The following GTF2I variants were observed in gnomAD, a reference collection of about 807,000 sequenced individuals.
The protein encoded by GTF2I is general transcription factor II-I.
In GTF2I, 12 loss-of-function variants were observed where a neutral mutation model predicts 67.6. That is an observed-to-expected ratio of 0.18 (90% CI 0.11 to 0.29). GTF2I has a LOEUF of 0.29. Among genes scored for constraint, GTF2I ranks in the 10% least tolerant of loss-of-function variants. The probability of loss-of-function intolerance (pLI) is 1.00; values close to 1 mark genes in which losing one functional copy is unlikely to be tolerated. For missense variants in GTF2I, 271 were observed against 580.1 expected (o/e 0.47, Z 5.47); for synonymous variants, 149 against 197.0 (o/e 0.76, Z 2.04).
intron 1 of GTF2I, among the ~76,000 whole-genome samples, chr7:74,659,862 C>T (rs1554385622): frequency 6.6e-6 from 1 of 152,156 alleles, no homozygotes; most frequent in African/African-American, 2.4e-5. Context: ...TTAAATTCAA[C>T]TTTGCCGCAG....
intron 1 of GTF2I, among the ~76,000 whole-genome samples, chr7:74,681,910 CAAA>C (rs782315468): frequency 5.0e-5 from 6 of 119,438 alleles, no homozygotes; most frequent in South Asian, 2.6e-4. Flanking sequence ...GACTCCGTCT[CAAA>C]AAAAAAAAAA....
At position 74,707,009 on chromosome 7, in the gene GTF2I, A is replaced by T. The variant is rs147832068; in HGVS notation, c.685+576A>T. On this transcript the variant is annotated intron_variant, in intron 8 of 34. Coordinates refer to ENST00000573035, the MANE Select transcript of GTF2I (RefSeq NM_032999.4). ...GGATTACAGGCATACGCCATCACGC[A>T]CGACTAATTTTTGTATTTTTAGTAG... Among the ~76,000 whole-genome samples the T allele has an allele frequency of 4.8e-3, 723 of 152,152 alleles. 23 individuals carry two copies. The highest frequency in any genetic ancestry group is 0.038 in the Admixed American group (586 of 15,278).
chr7:74,734,397 C>T (rs1369566091), intron 16 of GTF2I, among the ~76,000 whole-genome samples: 2 of 149,074 alleles, frequency 1.3e-5, no homozygotes, highest in Non-Finnish European at 3.0e-5. Flanking sequence ...TATATCATCT[C>T]TTAATTGTTA....
chr7:74,693,378 G>T (rs1260371831), intron 3 of GTF2I, among the ~76,000 whole-genome samples: 1 of 149,928 alleles, frequency 6.7e-6, no homozygotes, highest in African/African-American at 2.5e-5. Context: ...TTGGTTCAAG[G>T]TATTGAGATC....
intron 1 of GTF2I, among the ~76,000 whole-genome samples, chr7:74,683,506 G>T (rs1019248111): frequency 6.6e-6 from 1 of 152,136 alleles, no homozygotes; most frequent in African/African-American, 2.4e-5. Context: ...TCATAAATAC[G>T]TGGTTACATC....
chr7:74,697,943 A>AT lies in GTF2I; in HGVS notation c.239-1012dup, dbSNP rs112795783. The stretch of plus-strand genomic sequence containing the variant: ...GCCACCATGCCCAGCTAATTTTTGT[A>AT]TTTTTTGTTTGTTTGTTTGTTTGTT... On this transcript the variant is annotated intron_variant, in intron 3 of 34. Coordinates refer to ENST00000573035, the MANE Select transcript of GTF2I (RefSeq NM_032999.4). 8.7e-4 allele frequency among the ~76,000 whole-genome samples: 128 copies of AT among 146,442 alleles called. 2 individuals are homozygous for AT. The East Asian group carries it at 0.014, about 16-fold the overall frequency.
At chr7:74,682,138 A>G (rs782417808) in intron 1 of GTF2I, among the ~76,000 whole-genome samples, 1 of 152,158 alleles carries the variant, frequency 6.6e-6, no homozygotes, top group Non-Finnish European at 1.5e-5. Flanking sequence ...GAAGCAATAA[A>G]AGTTCTCTTT....
At chr7:74,660,507 T>C (rs1554386034) in intron 1 of GTF2I, among the ~76,000 whole-genome samples, 1 of 152,196 alleles carries the variant, frequency 6.6e-6, no homozygotes, top group African/African-American at 2.4e-5. Flanking sequence ...TCTTCTCTTA[T>C]ATTGCATAGT....
chr7:74,747,272 AC>A (rs1446797063), intron 23 of GTF2I, among the ~76,000 whole-genome samples: 1 of 74,352 alleles, frequency 1.3e-5, no homozygotes, highest in African/African-American at 3.4e-5. Flanking sequence ...CATGTGGCAC[AC>A]TTTCAGAGAG....
intron 8 of GTF2I, among the ~76,000 whole-genome samples, chr7:74,707,676 A>G (rs145091986): frequency 3.3e-5 from 5 of 152,280 alleles, no homozygotes; most frequent in African/African-American, 1.2e-4. Flanking sequence ...CTCCATAGGA[A>G]ATCTCAAATT....
At chr7:74,667,839 T>G (rs1017624795) in intron 1 of GTF2I, among the ~76,000 whole-genome samples, 13 of 150,860 alleles carry the variant, frequency 8.6e-5, no homozygotes, top group South Asian at 6.2e-4. Context: ...AAAGAAACTT[T>G]TTTTTTTTTT....
chr7:74,666,811 C>CA lies in GTF2I; in HGVS notation c.-6+8762dup, dbSNP rs61609037. ...TGAAACCCTGTCTCTACTAAAAATACAAAAAAAAAAAAAAAAAAATTAGCC... is the reference window on the plus strand; with the variant it reads ...TGAAACCCTGTCTCTACTAAAAATACAAAAAAAAAAAAAAAAAAAATTAGCC... On this transcript the variant is annotated intron_variant, in intron 1 of 34. Transcript: ENST00000573035. Among the ~76,000 whole-genome samples, 193 of 129,146 alleles carry CA rather than the reference C, an allele frequency of 1.5e-3. 1 individual carries two copies. The highest frequency in any genetic ancestry group is 3.0e-3 in the African/African-American group (107 of 35,932). 84.7% of individuals were successfully genotyped at this position (129,146 alleles called of 152,430 possible).
intron 20 of GTF2I, chr7:74,743,774 C>CT: frequency 3.8e-6 from 1 of 262,182 alleles, no homozygotes; most frequent in Non-Finnish European, 7.7e-6. Flanking sequence ...GTCCCAGCTA[C>CT]TCGGGAGGCT....
At chr7:74,717,063 G>T in intron 11 of GTF2I, 113 bp downstream of exon 11, 1 of 1,417,482 alleles carries the variant, frequency 7.1e-7, no homozygotes, top group Admixed American at 2.5e-5. Flanking sequence ...TGATTCCCTT[G>T]GTATGCCTTC....
chr7:74,694,783 G>A (rs1263750944), intron 3 of GTF2I, among the ~76,000 whole-genome samples: 2 of 152,214 alleles, frequency 1.3e-5, no homozygotes, highest in East Asian at 3.8e-4. Context: ...GACTTTGCTA[G>A]CTAGAGAGAA....
intron 12 of GTF2I, among the ~76,000 whole-genome samples, chr7:74,725,249 GA>G (rs1163554714): frequency 1.3e-5 from 2 of 152,052 alleles, no homozygotes; most frequent in Non-Finnish European, 2.9e-5. Context: ...GTTAATTGCA[GA>G]AAAAATTGAG....
chr7:74,724,406 T>G (rs2131477475), intron 12 of GTF2I, among the ~76,000 whole-genome samples: 1 of 152,302 alleles, frequency 6.6e-6, no homozygotes, highest in Admixed American at 6.5e-5. Flanking sequence ...CATAGTCTAT[T>G]TATTGATTCA....
At chr7:74,686,167 A>C (rs992881030) in intron 1 of GTF2I, among the ~76,000 whole-genome samples, 2 of 152,324 alleles carry the variant, frequency 1.3e-5, no homozygotes, top group Non-Finnish European at 1.5e-5. Context: ...AATCAGAGAT[A>C]CTTTGAATTT....
chr7:74,661,915 C>T (rs1038437977), intron 1 of GTF2I, among the ~76,000 whole-genome samples: 6 of 152,058 alleles, frequency 3.9e-5, no homozygotes, highest in Admixed American at 1.3e-4. Context: ...TTAATTTAGT[C>T]GCAGCACGGG....
Sources: gnomAD v4.1 joint callset for allele counts (sites outside exome capture counted in the v4.1 genomes callset) on GRCh38, gnomAD v4.1.1 for gene constraint, MANE v1.5 for transcripts, NCBI Gene and HGNC (gene_info 2026-07-23, HGNC 2026-07-21) for gene names.